The following SP140 variants were observed in gnomAD, a reference collection of about 807,000 sequenced individuals.
The protein encoded by SP140 is nuclear body protein SP140.
SP140 carries 81 observed loss-of-function variants against 125.0 expected under a neutral mutation model. The observed-to-expected ratio is 0.65, with a 90% CI of 0.54 to 0.78. The LOEUF (loss-of-function observed/expected upper bound fraction) is 0.78, where lower values mean the gene tolerates loss of function less well. SP140 is among the 30% of genes least tolerant of loss of function. The pLI, the probability that SP140 is intolerant of heterozygous loss-of-function variation, is 0.00. For synonymous variants in SP140, 312 were observed against 354.0 expected (o/e 0.88, Z 1.33); for missense variants, 858 against 1,037.0 (o/e 0.83, Z 2.37).
chr2:230,221,657 T>A, upstream of SP140: 4 of 1,516,452 alleles, frequency 2.6e-6, no homozygotes, highest in Non-Finnish European at 3.5e-6. Context: ...GGGATGGCGG[T>A]GGTAAAGGAA....
At chr2:230,283,017 G>C (rs943096644) in intron 15 of SP140, among the ~76,000 whole-genome samples, 1 of 152,186 alleles carries the variant, frequency 6.6e-6, no homozygotes, top group Admixed American at 6.5e-5. Flanking sequence ...CACCAACCAG[G>C]TGGCAGTCCC....
intron 3 of SP140, among the ~76,000 whole-genome samples, chr2:230,215,439 A>G (rs2045024413): frequency 6.6e-6 from 1 of 152,226 alleles, no homozygotes; most frequent in Admixed American, 6.5e-5. Flanking sequence ...AAAGGATGCT[A>G]CTATGTAATT....
At chr2:230,200,894 CCCTT>C (rs2148850717), upstream of SP140, 2 of 1,612,196 alleles carry the variant, frequency 1.2e-6, no homozygotes, top group Non-Finnish European at 8.5e-7. Flanking sequence ...CCTTGTGTGA[CCCTT>C]CGTGGTGTAC....
intron 1 of SP140, among the ~76,000 whole-genome samples, chr2:230,228,987 T>G (rs2046857997): frequency 6.6e-6 from 1 of 152,300 alleles, no homozygotes; most frequent in African/African-American, 2.4e-5. Context: ...TTCCTGCCTT[T>G]TCTGGTTTAA....
intron 15 of SP140, among the ~76,000 whole-genome samples, chr2:230,279,117 G>A (rs1003979911): frequency 4.0e-5 from 6 of 151,888 alleles, no homozygotes; most frequent in Non-Finnish European, 8.8e-5. Context: ...GTTAACAAGA[G>A]GTGAAATATT....
At chr2:230,295,580 G>A (rs1479522019) in intron 21 of SP140, among the ~76,000 whole-genome samples, 4 of 152,188 alleles carry the variant, frequency 2.6e-5, no homozygotes, top group Non-Finnish European at 4.4e-5. Flanking sequence ...GTCTCCTCAT[G>A]GGGGAGAACA....
At chr2:230,287,651 C>G (rs184849377) in intron 17 of SP140, among the ~76,000 whole-genome samples, 36 of 151,988 alleles carry the variant, frequency 2.4e-4, no homozygotes, top group Admixed American at 2.4e-3. Flanking sequence ...TTGAGATATA[C>G]GTGAAATACT....
At chr2:230,189,347 T>C in the SP140 span, among the ~76,000 whole-genome samples, 1 of 152,204 alleles carries the variant, frequency 6.6e-6, no homozygotes, top group South Asian at 2.1e-4. Flanking sequence ...AAAGCACTGC[T>C]TTTGCTGTAT....
chr2:230,272,965 A>G (rs2054162058), intron 15 of SP140, among the ~76,000 whole-genome samples: 1 of 152,256 alleles, frequency 6.6e-6, no homozygotes, highest in African/African-American at 2.4e-5. Context: ...AAAGAATTAA[A>G]TGTAAAACCC....
intron 20 of SP140, among the ~76,000 whole-genome samples, chr2:230,293,652 G>A (rs367816022): frequency 6.6e-6 from 1 of 152,088 alleles, no homozygotes; most frequent in Non-Finnish European, 1.5e-5. Flanking sequence ...CAGTATTTTA[G>A]ACAGCCACGG....
chr2:230,303,848 A>C (rs983597657), intron 22 of SP140, among the ~76,000 whole-genome samples: 5 of 152,224 alleles, frequency 3.3e-5, no homozygotes, highest in Admixed American at 3.3e-4. Context: ...ACCTGGAACA[A>C]GACAAGGATG....
rs755175290 is a variant in SP140 at position 230,294,281 on chromosome 2, T to G, written c.1979T>G (p.Leu660Arg). 2.1e-5 allele frequency: 34 copies of G among 1,613,306 alleles called. No homozygotes were observed. The highest frequency in any genetic ancestry group is 2.9e-5 in the Non-Finnish European group (34 of 1,179,346). ...CTTTTTGTCTTTCAGAATGGATTTC[T>G]GCCTGATCCTCCAAGAATACGTTAC... ...PLRWLMENGF[L>R]PDPPRIRYRK... Residue 660 changes from leucine (L) to arginine (R), a missense_variant, in exon 21 of 27, where the codon CTG becomes CGG. Leu to Arg is a moderately radical substitution (Grantham distance 102, BLOSUM62 -2). This residue lies in a region of SP140 where 791 missense variants were observed against 869.5 expected (regional missense o/e 0.91). Transcript: ENST00000392045.
At chr2:230,284,460 CT>C (rs756899955) in intron 16 of SP140, 49 bp downstream of exon 16, 1 of 1,506,586 alleles carries the variant, frequency 6.6e-7, no homozygotes, top group Non-Finnish European at 9.1e-7. Context: ...TATTAGGGCA[CT>C]GTCCATTGTA....
intron 12 of SP140, among the ~76,000 whole-genome samples, chr2:230,268,962 G>A (rs781101836): frequency 1.3e-5 from 2 of 152,328 alleles, no homozygotes; most frequent in South Asian, 4.1e-4. Flanking sequence ...GTGGGAGGAG[G>A]CCCTGTGCTT....
rs187158070 is a variant in SP140, at chr2:230,231,472, C to T, written c.59+5569C>T. Among the ~76,000 whole-genome samples, 186 of 152,266 alleles carry T rather than the reference C, an allele frequency of 1.2e-3. 2 individuals carry two copies. Among genetic ancestry groups the T allele is most frequent in the East Asian group, 7.5e-3 (39 of 5,184 alleles). On this transcript the variant is annotated intron_variant, in intron 1 of 26. Transcript: ENST00000392045. Reference sequence around the variant, plus strand: ...TGGCAGAGGTGTCAAATTCCTCTAGCGTTCTTGTTTTTCTTTCCCCTGCTT... The same window carrying T: ...TGGCAGAGGTGTCAAATTCCTCTAGTGTTCTTGTTTTTCTTTCCCCTGCTT...
At chr2:230,303,667 T>C (rs554163424) in intron 22 of SP140, among the ~76,000 whole-genome samples, 1 of 152,324 alleles carries the variant, frequency 6.6e-6, no homozygotes, top group East Asian at 1.9e-4. Flanking sequence ...TGTATGATCA[T>C]CTCAATAAAG....
chr2:230,199,997 T>C (rs1377315838), upstream of SP140, among the ~76,000 whole-genome samples: 1 of 152,176 alleles, frequency 6.6e-6, no homozygotes, highest in Non-Finnish European at 1.5e-5. Context: ...TTTCCTCATC[T>C]GCTAAATTGG....
intron 12 of SP140, among the ~76,000 whole-genome samples, chr2:230,259,515 T>TA (rs71049699): frequency 2.7e-3 from 384 of 142,544 alleles, no homozygotes; most frequent in African/African-American, 6.4e-3. Flanking sequence ...CCGCCTCCGC[T>TA]AAAAAAAAAA....
chr2:230,268,886 G>C lies in SP140; in HGVS notation c.1241-646G>C, dbSNP rs2053527368. Among the ~76,000 whole-genome samples the C allele has an allele frequency of 2.0e-5, 3 of 152,134 alleles. No homozygotes were observed. The South Asian group carries it at 6.2e-4, about 32-fold the overall frequency. On this transcript the variant is annotated intron_variant, in intron 12 of 26. Transcript: ENST00000392045. ...CTCGGCAGGAACTCCAATTTTTGAA[G>C]GGCTAGGCTACTACTCATAATCTGA... is the stretch of plus-strand genomic sequence containing the variant.
Sources: gnomAD v4.1 joint callset for allele counts (sites outside exome capture counted in the v4.1 genomes callset) on GRCh38, gnomAD v4.1.1 for gene constraint, gnomAD v4.1.1 regional missense constraint, MANE v1.5 for transcripts, NCBI Gene and HGNC (gene_info 2026-07-23, HGNC 2026-07-21) for gene names.